The following DDX39B variants were observed in gnomAD, a reference collection of about 807,000 sequenced individuals.
DDX39B encodes the protein spliceosome RNA helicase DDX39B.
Under a neutral mutation model 46.4 loss-of-function variants are expected in DDX39B, and 6 were observed. The observed-to-expected ratio is 0.13, with a 90% confidence interval of 0.07 to 0.26. The LOEUF is 0.26. Ranked by LOEUF, DDX39B falls within the 10% of genes least tolerant of loss-of-function variation. The pLI, the probability that DDX39B is intolerant of heterozygous loss-of-function variation, is 1.00. For synonymous variants in DDX39B, 174 were observed against 199.4 expected (o/e 0.87, Z 1.07); for missense variants, 185 against 553.4 (o/e 0.33, Z 6.68).
chr6:31,532,874 G>A lies in DDX39B; in HGVS notation c.773C>T (p.Thr258Met). The change falls in exon 7 of 11, where the codon ACG becomes ATG. Residue 258 changes from threonine to methionine, a missense_variant. Thr to Met is a moderately conservative substitution (Grantham distance 81, BLOSUM62 -1). Transcript: ENST00000396172. ...EIFVDDETKL[T>M]LHGLQQYYVK... is the part of the protein sequence containing the mutation. ...GTAGTACTGCTGCAACCCATGCAGC[G>A]TCAACTTCGTCTCATCATCCACGAA... 6.5e-7 allele frequency: 1 copy of A among 1,544,002 alleles called. No homozygotes were observed. The highest frequency in any genetic ancestry group is 1.9e-4 in the Middle Eastern group (1 of 5,180).
chr6:31,539,548 T>C lies in DDX39B; in HGVS notation c.212-274A>G, dbSNP rs552954885. 2.0e-5 allele frequency among the ~76,000 whole-genome samples: 3 copies of C among 152,316 alleles called. No homozygotes were observed. The South Asian group carries it at 6.2e-4, about 32-fold the overall frequency. ...CCTTGCATCTACCAACCGCTCACCT[T>C]CAATGATCCTAGCTCTGTCCTTATT... On this transcript the variant is annotated intron_variant, in intron 2 of 10. Transcript: ENST00000396172.
chr6:31,536,179 C>A (rs1295343910), intron 5 of DDX39B, among the ~76,000 whole-genome samples: 1 of 152,196 alleles, frequency 6.6e-6, no homozygotes, highest in Non-Finnish European at 1.5e-5. Flanking sequence ...ACTGTCTTCT[C>A]TTTCAGTTTA....
intron 2 of DDX39B, among the ~76,000 whole-genome samples, chr6:31,539,924 C>T (rs1399703607): frequency 6.6e-6 from 1 of 152,220 alleles, no homozygotes; most frequent in Non-Finnish European, 1.5e-5. Context: ...GGTGCTATCA[C>T]GAAAGAAAGA....
At position 31,541,964 on chromosome 6, in the gene DDX39B, C is replaced by T. The variant is rs1052415738; in HGVS notation, c.-147G>A. On this transcript the variant is annotated 5_prime_UTR_variant, in exon 1 of 11. Transcript: ENST00000396172. The stretch of plus-strand genomic sequence containing the variant: ...CCAAAGCTTACCTAAACAGGGAGAG[C>T]GCGTATGGCGGCAGCAACAGCGACG... The T allele has an allele frequency of 4.5e-6, 3 of 671,558 alleles. No individual in the cohort carries two copies. In the African/African-American group the frequency reaches 5.3e-5, roughly 12 times the overall value. 41.6% of individuals were successfully genotyped at this position (671,558 alleles called of 1,614,324 possible).
intron 2 of DDX39B, 98 bp from the exon 3 acceptor site, chr6:31,539,372 CA>C: frequency 2.0e-6 from 3 of 1,527,810 alleles, no homozygotes; most frequent in Middle Eastern, 3.9e-4. Flanking sequence ...ACTCAATTCT[CA>C]AAGTCTAGTA....
At position 31,534,728 on chromosome 6, in the gene DDX39B, T is replaced by C. The variant is rs1767587977; in HGVS notation, c.735+639A>G. 1 of 350,182 alleles carries C rather than the reference T, an allele frequency of 2.9e-6. No homozygotes were observed. The highest frequency in any genetic ancestry group is 5.6e-6 in the Non-Finnish European group (1 of 178,994). The allele number at this position is 350,182 out of a possible 1,614,324, so 21.7% of individuals were successfully genotyped here. On this transcript the variant is annotated intron_variant, in intron 6 of 10. Transcript: ENST00000396172. This position sits in a 1 kb window ranked among gnomAD's most constrained non-coding sequence, Gnocchi z 5.1. ...CATCCACCGCTGGGTGCCGTCTGCA[T>C]TCCCTCGCCGCGCCACGGTGCTTCT...
chr6:31,541,063 C>T (rs758323127), intron 1 of DDX39B: 1 of 528,138 alleles, frequency 1.9e-6, no homozygotes, highest in Non-Finnish European at 3.9e-6. Flanking sequence ...CTCCGCTTTC[C>T]CTATTATAAT....
At chr6:31,538,571 G>A (rs1321939998) in intron 4 of DDX39B, among the ~76,000 whole-genome samples, 192 bp downstream of exon 4, 1 of 152,174 alleles carries the variant, frequency 6.6e-6, no homozygotes, top group African/African-American at 2.4e-5. Flanking sequence ...AAAGTAGTAA[G>A]AAAAGGGTGG....
rs758717148 is a variant in DDX39B at position 31,539,286 on chromosome 6, G to C, written c.212-12C>G. The C allele has an allele frequency of 8.1e-6, 13 of 1,607,092 alleles. No homozygotes were observed. Among genetic ancestry groups the C allele is most frequent in the Admixed American group, 3.3e-5 (2 of 59,880 alleles). Reference sequence around the variant, plus strand: ...GCACTCATGCTGGACTAAAAGTTGGGGGGGGAGGAAGATAAATTAGACTTC... The same window carrying C: ...GCACTCATGCTGGACTAAAAGTTGGCGGGGGAGGAAGATAAATTAGACTTC... On this transcript the variant is annotated splice_polypyrimidine_tract_variant and intron_variant, in intron 2 of 10. Transcript: ENST00000396172.
At chr6:31,541,677 G>A (rs761903891) in intron 1 of DDX39B, 8 of 507,428 alleles carry the variant, frequency 1.6e-5, no homozygotes, top group Non-Finnish European at 2.4e-5. Flanking sequence ...TGATGCTGAG[G>A]CCTCCAATAT....
chr6:31,538,088 T>A (rs1217028605), intron 4 of DDX39B, among the ~76,000 whole-genome samples: 1 of 152,174 alleles, frequency 6.6e-6, no homozygotes, highest in African/African-American at 2.4e-5. Context: ...CGACCAGATT[T>A]GTGGCATAAC....
rs1463442829 is a variant in DDX39B at position 31,540,485 on chromosome 6, A to T, written c.48T>A (p.Asp16Glu). 6.2e-7 allele frequency: 1 copy of T among 1,614,082 alleles called. No individual in the cohort carries two copies. The stretch of plus-strand genomic sequence containing the variant: ...CTCCCCCAGCTGCTGTCTCCACCTC[A>T]TCATCTTCATAGTCCAAGAGCTCAT... ...VDNELLDYED[D>E]EVETAAGGDG... Residue 16 changes from aspartate to glutamate, a missense_variant, in exon 2 of 11, where the codon GAT becomes GAA. Coordinates refer to ENST00000396172, the MANE Select transcript of DDX39B (RefSeq NM_004640.7).
Position 31,535,563 on chromosome 6 carries a change from G to A in DDX39B, c.617-78C>T. On this transcript the variant is annotated intron_variant, in intron 5 of 10. Transcript: ENST00000396172. The surrounding 1 kb of genome is among the most constrained non-coding windows in gnomAD (Gnocchi z 4.6). ...AAAGATTAGAGGTAGACTTCCCAGT[G>A]AGGTGAAGATTGCTGGAAATAGTAA... 1.8e-6 allele frequency: 2 copies of A among 1,135,752 alleles called. 1 individual carries two copies. The highest frequency in any genetic ancestry group is 2.7e-5 in the South Asian group (2 of 74,700). The allele number at this position is 1,135,752 out of a possible 1,614,324, so 70.4% of individuals were successfully genotyped here. A position where few individuals can be genotyped will look rare whatever the true frequency, so the allele number is the denominator to read the frequency against.
rs773622552 is a variant in DDX39B, at chr6:31,541,612, G to A, written c.-133+338C>T. The A allele has an allele frequency of 4.2e-5, 20 of 476,016 alleles. 1 individual carries two copies. The highest frequency in any genetic ancestry group is 2.9e-4 in the South Asian group (19 of 64,606). 29.5% of individuals were successfully genotyped at this position (476,016 alleles called of 1,614,324 possible). On this transcript the variant is annotated intron_variant, in intron 1 of 10. Transcript: ENST00000396172. ...CAAGAAAGGACAAGGAAGGTGAGAA[G>A]AGCCCCGCCCTCCGCAAATACCAAG...
intron 1 of DDX39B, chr6:31,541,538 C>A: frequency 2.4e-6 from 1 of 420,640 alleles, no homozygotes; most frequent in East Asian, 7.2e-5. Flanking sequence ...CCAACTGGGC[C>A]CAGAAACCAG....
At chr6:31,536,393 T>G in intron 5 of DDX39B, 107 bp downstream of exon 5, 1 of 1,502,234 alleles carries the variant, frequency 6.7e-7, no homozygotes, top group Non-Finnish European at 9.2e-7. Context: ...TCATGGGTGA[T>G]AGATAAGAGT....
chr6:31,536,460 A>C (rs1767795805), intron 5 of DDX39B, 40 bp downstream of exon 5: 1 of 1,612,474 alleles, frequency 6.2e-7, no homozygotes, highest in South Asian at 1.1e-5. Context: ...TCCAAAGAAC[A>C]ACTCCCCAGC....
At position 31,534,826 on chromosome 6, in the gene DDX39B, G is replaced by A. The variant is rs2150333803; in HGVS notation, c.735+541C>T. 7.3e-6 allele frequency: 2 copies of A among 275,020 alleles called. No homozygotes were observed. The highest frequency in any genetic ancestry group is 1.5e-5 in the Non-Finnish European group (2 of 137,820). The allele number at this position is 275,020 out of a possible 1,614,324, so 17.0% of individuals were successfully genotyped here. A position where few individuals can be genotyped will look rare whatever the true frequency, so the allele number is the denominator to read the frequency against. ...TGTGGGTGGGAAGGAGTAGGGTATCGGGGATTGAGGTGCCAAAGGCCCCCA... is the reference window on the plus strand; with the variant it reads ...TGTGGGTGGGAAGGAGTAGGGTATCAGGGATTGAGGTGCCAAAGGCCCCCA... On this transcript the variant is annotated intron_variant, in intron 6 of 10. Transcript: ENST00000396172. The surrounding 1 kb of genome is among the most constrained non-coding windows in gnomAD (Gnocchi z 5.1).
At position 31,538,822 on chromosome 6, in the gene DDX39B, A is replaced by G. The variant is rs750362496; in HGVS notation, c.373T>C (p.Leu125=). 7 of 1,614,050 alleles carry G rather than the reference A, an allele frequency of 4.3e-6. No individual in the cohort carries two copies. The highest frequency in any genetic ancestry group is 1.1e-5 in the South Asian group (1 of 91,070). The change falls in exon 4 of 11, where the codon TTG becomes CTG. Residue 125 remains leucine (L), a synonymous_variant. Transcript: ENST00000396172. ...TATTCCTTGCTGATCTGAAAAGCCA[A>G]CTCCCGAGTGTGACACATCACCAGT... The part of the protein sequence containing the change: ...SVLVMCHTRE[L]AFQISKEYER...
Sources: gnomAD v4.1 joint callset for allele counts (sites outside exome capture counted in the v4.1 genomes callset) on GRCh38, gnomAD v4.1.1 for gene constraint, Gnocchi (gnomAD v3.1) non-coding constraint, MANE v1.5 for transcripts, NCBI Gene and HGNC (gene_info 2026-07-23, HGNC 2026-07-21) for gene names.